Variants in FRAS1 observed in about 807,000 individuals in gnomAD.
FRAS1 encodes extracellular matrix organizing protein FRAS1.
FRAS1 carries 290 observed loss-of-function variants against 435.2 expected under a neutral mutation model. The observed-to-expected ratio is 0.67, with a 90% CI of 0.61 to 0.73. The LOEUF is 0.73. FRAS1 is among the 30% of genes least tolerant of loss of function. The probability of loss-of-function intolerance (pLI) is 0.00; values close to 1 mark genes in which losing one functional copy is unlikely to be tolerated. For synonymous variants in FRAS1, 1,800 were observed against 1,851.0 expected (o/e 0.97, Z 0.71); for missense variants, 4,860 against 5,001.5 (o/e 0.97, Z 0.85).
At chr4:78,081,385 A>T (rs1049572005) in intron 2 of FRAS1, among the ~76,000 whole-genome samples, 9 of 152,156 alleles carry the variant, frequency 5.9e-5, no homozygotes, top group African/African-American at 2.4e-5. Flanking sequence ...AAATTTAAAT[A>T]GTTATGCATG....
At chr4:78,337,476 A>T (rs1057356948) in intron 19 of FRAS1, among the ~76,000 whole-genome samples, 198 bp from the exon 20 acceptor site, 6 of 152,172 alleles carry the variant, frequency 3.9e-5, no homozygotes, top group African/African-American at 1.4e-4. Context: ...TATTGTGTTC[A>T]TGGACAGTAC....
At chr4:78,147,913 G>T (rs554002962) in intron 2 of FRAS1, among the ~76,000 whole-genome samples, 44 of 152,162 alleles carry the variant, frequency 2.9e-4, no homozygotes, top group Non-Finnish European at 6.0e-4. Flanking sequence ...TGGGTTGTGA[G>T]TTTCTGGAAA....
At chr4:78,223,970 GCCTTTATGGAAAGCTT>G (rs1195732900) in intron 2 of FRAS1, among the ~76,000 whole-genome samples, 4 of 152,210 alleles carry the variant, frequency 2.6e-5, no homozygotes, top group African/African-American at 9.6e-5. Context: ...TATGTCATGT[GCCTTTATGGAAAGCTT>G]CCTAAAACAT....
At chr4:78,286,074 C>G (rs998101398) in intron 13 of FRAS1, among the ~76,000 whole-genome samples, 13 of 152,154 alleles carry the variant, frequency 8.5e-5, no homozygotes, top group African/African-American at 1.7e-4. Context: ...CTGAGCCAAA[C>G]TGCTTGGTTT....
intron 2 of FRAS1, among the ~76,000 whole-genome samples, chr4:78,072,571 A>G (rs1422446902): frequency 2.0e-5 from 3 of 152,126 alleles, no homozygotes; most frequent in African/African-American, 7.2e-5. Context: ...CTGAGGATGC[A>G]CTCAGCGGGG....
Position 78,470,088 on chromosome 4 carries a change from C to G in FRAS1, c.7368C>G (p.Gly2456=). ...LGLQWLEYMD[G]KATNLITKKE... ...TCCAGTGGCTGGAATACATGGATGG[C>G]AAGGTAAGGCCTGTCCCTCTGTCAT... The change falls in exon 51 of 74, where the codon GGC becomes GGG. Residue 2456 remains glycine, a synonymous_variant. Coordinates refer to ENST00000512123, the MANE Select transcript of FRAS1 (RefSeq NM_025074.7). 3.1e-6 allele frequency: 5 copies of G among 1,605,444 alleles called. No homozygotes were observed. The highest frequency in any genetic ancestry group is 4.3e-6 in the Non-Finnish European group (5 of 1,172,942).
chr4:78,490,973 A>G (rs1376062521), intron 59 of FRAS1, among the ~76,000 whole-genome samples: 1 of 152,198 alleles, frequency 6.6e-6, no homozygotes, highest in Non-Finnish European at 1.5e-5. Context: ...GATAAAGGGG[A>G]TATCACCACT....
chr4:78,136,083 G>A (rs2109990260), intron 2 of FRAS1, among the ~76,000 whole-genome samples: 1 of 152,328 alleles, frequency 6.6e-6, no homozygotes, highest in East Asian at 1.9e-4. Context: ...TCATGGCTGA[G>A]TGAAGCATAT....
At chr4:78,193,703 G>A (rs1474336206) in intron 2 of FRAS1, among the ~76,000 whole-genome samples, 1 of 152,194 alleles carries the variant, frequency 6.6e-6, no homozygotes, top group African/African-American at 2.4e-5. Flanking sequence ...ACAGCACACT[G>A]ATGGGTCTTG....
intron 57 of FRAS1, among the ~76,000 whole-genome samples, chr4:78,482,174 CT>C (rs932785678): frequency 2.0e-5 from 3 of 152,098 alleles, no homozygotes; most frequent in African/African-American, 7.2e-5. Flanking sequence ...AATATCCAGC[CT>C]TACAGATTCA....
intron 40 of FRAS1, among the ~76,000 whole-genome samples, chr4:78,440,017 CTTTT>C (rs1163344254): frequency 1.1e-5 from 1 of 93,034 alleles, no homozygotes; most frequent in Admixed American, 1.2e-4. Context: ...TAAGTCATTT[CTTTT>C]TTTTTTTTTT....
At chr4:78,217,294 A>G (rs1723810463) in intron 2 of FRAS1, among the ~76,000 whole-genome samples, 1 of 152,192 alleles carries the variant, frequency 6.6e-6, no homozygotes. Flanking sequence ...ACATCCTAAC[A>G]GATACACCCA....
At chr4:78,537,556 G>A (rs972675276) in intron 72 of FRAS1, among the ~76,000 whole-genome samples, 2 of 152,198 alleles carry the variant, frequency 1.3e-5, no homozygotes, top group South Asian at 2.1e-4. Context: ...TCCCTCATGA[G>A]TTTAGAGAGT....
In FRAS1 at chr4:78,141,890, C is replaced by T. The variant is rs771077503; in HGVS notation, c.108+75874C>T. Among the ~76,000 whole-genome samples the T allele has an allele frequency of 2.6e-5, 4 of 152,160 alleles. No homozygotes were observed. In the South Asian group the frequency reaches 6.2e-4, roughly 24 times the overall value. ...TAAGTGATGTAACTCAGGAATGGAA[C>T]ACCAAACATCATATGTTCTCACTGG... On this transcript the variant is annotated intron_variant, in intron 2 of 73. Transcript: ENST00000512123.
intron 73 of FRAS1, among the ~76,000 whole-genome samples, chr4:78,540,246 A>G (rs1199765279): frequency 6.6e-6 from 1 of 152,248 alleles, no homozygotes; most frequent in African/African-American, 2.4e-5. Flanking sequence ...ATAAGCATTC[A>G]CTTAGCTAAA....
intron 51 of FRAS1, among the ~76,000 whole-genome samples, chr4:78,470,615 TACA>T (rs981437411): frequency 2.0e-5 from 3 of 152,322 alleles, no homozygotes; most frequent in East Asian, 3.9e-4. Flanking sequence ...AAAAATATAG[TACA>T]ACAACTGTTT....
chr4:78,504,143 G>A (rs960678887), intron 61 of FRAS1, among the ~76,000 whole-genome samples: 1 of 152,090 alleles, frequency 6.6e-6, no homozygotes, highest in Admixed American at 6.6e-5. Context: ...CAATTATGTG[G>A]TCAATTTTAG....
chr4:78,439,468 C>T (rs747736543), intron 40 of FRAS1, among the ~76,000 whole-genome samples: 1 of 152,140 alleles, frequency 6.6e-6, no homozygotes, highest in Non-Finnish European at 1.5e-5. Flanking sequence ...TTGACGGTTC[C>T]TTTGTGGGCA....
chr4:78,519,583 T>C, intron 67 of FRAS1, 102 bp downstream of exon 67: 1 of 1,366,730 alleles, frequency 7.3e-7, no homozygotes, highest in Non-Finnish European at 1.0e-6. Flanking sequence ...TTTCTCATCC[T>C]GTTATCCCGA....
Sources: gnomAD v4.1 joint callset for allele counts (sites outside exome capture counted in the v4.1 genomes callset) on GRCh38, gnomAD v4.1.1 for gene constraint, MANE v1.5 for transcripts, NCBI Gene and HGNC (gene_info 2026-07-23, HGNC 2026-07-21) for gene names.